BEAN1: variants seen among roughly 807,000 people sequenced by gnomAD.
BEAN1 encodes brain expressed associated with NEDD4 1, also known as protein BEAN1.
A neutral mutation model predicts 17.7 loss-of-function variants in BEAN1; 17 were observed. The ratio of observed to expected loss-of-function variants is 0.96; its 90% confidence interval spans 0.66 to 1.44. The LOEUF (loss-of-function observed/expected upper bound fraction) is 1.44, where lower values mean the gene tolerates loss of function less well. BEAN1 is among the 40% of genes most tolerant of loss of function. BEAN1 has a pLI of 0.00. For missense variants in BEAN1, 359 were observed against 374.1 expected (o/e 0.96, Z 0.33); for synonymous variants, 142 against 151.8 (o/e 0.94, Z 0.47).
chr16:66,429,999 A>G (rs1961736959), intron 1 of BEAN1, among the ~76,000 whole-genome samples: 1 of 152,188 alleles, frequency 6.6e-6, no homozygotes, highest in Non-Finnish European at 1.5e-5. Context: ...TAAAGGGAGA[A>G]ACTGAGGCCA....
At chr16:66,455,009 G>A (rs1962814494) in intron 2 of BEAN1, among the ~76,000 whole-genome samples, 3 of 152,064 alleles carry the variant, frequency 2.0e-5, no homozygotes, top group South Asian at 4.1e-4. Context: ...TTCTCAGTTC[G>A]TTGTATGCCT....
intron 2 of BEAN1, among the ~76,000 whole-genome samples, chr16:66,453,394 G>T (rs935416876): frequency 1.3e-5 from 2 of 151,478 alleles, no homozygotes; most frequent in South Asian, 2.1e-4. Flanking sequence ...GAAGACAAAG[G>T]CTTCAAAAGG....
downstream of BEAN1, chr16:66,484,787 A>C (rs908533026): frequency 2.2e-6 from 1 of 454,006 alleles, no homozygotes; most frequent in Non-Finnish European, 4.4e-6. This position sits in a 1 kb window ranked among gnomAD's most constrained non-coding sequence, Gnocchi z 4.2. Context: ...CACAGAGTAG[A>C]ACGCACCTCA....
At chr16:66,452,445 T>C (rs1047974634) in intron 2 of BEAN1, among the ~76,000 whole-genome samples, 2 of 152,228 alleles carry the variant, frequency 1.3e-5, no homozygotes, top group East Asian at 3.9e-4. Context: ...ATGCCTTTTG[T>C]AGGCCTCTGG....
At chr16:66,469,083 A>T (rs941879414) in intron 2 of BEAN1, among the ~76,000 whole-genome samples, 1 of 151,972 alleles carries the variant, frequency 6.6e-6, no homozygotes, top group Admixed American at 6.5e-5. Context: ...ACCTTCTCTC[A>T]TCTGATCCAA....
At chr16:66,450,313 T>C (rs1567490886) in intron 2 of BEAN1, among the ~76,000 whole-genome samples, 1 of 152,270 alleles carries the variant, frequency 6.6e-6, no homozygotes, top group South Asian at 2.1e-4. Flanking sequence ...TTGGCTTTGA[T>C]TGGCTTTGAT....
At chr16:66,483,085 T>C (rs1393716519), downstream of BEAN1, 3 of 344,000 alleles carry the variant, frequency 8.7e-6, no homozygotes, top group African/African-American at 6.5e-5. Flanking sequence ...TAGTTGAAAC[T>C]CCTGGTCTCA....
At chr16:66,453,236 T>C (rs936205749) in intron 2 of BEAN1, among the ~76,000 whole-genome samples, 3 of 152,116 alleles carry the variant, frequency 2.0e-5, no homozygotes, top group Non-Finnish European at 2.9e-5. Context: ...TTTTCCTTTC[T>C]TCTTTTCTAA....
At chr16:66,440,735 G>A (rs1048966562) in intron 2 of BEAN1, among the ~76,000 whole-genome samples, 1 of 152,198 alleles carries the variant, frequency 6.6e-6, no homozygotes, top group African/African-American at 2.4e-5. Context: ...TTCTTCCTGG[G>A]CTTTCTATTC....
intron 4 of BEAN1, among the ~76,000 whole-genome samples, chr16:66,492,488 G>A (rs1964188988): frequency 6.6e-6 from 1 of 151,948 alleles, no homozygotes; most frequent in African/African-American, 2.4e-5. Context: ...GGCCCAGGCT[G>A]GAGAGCAGTG....
chr16:66,436,006 A>G (rs1962000630), intron 1 of BEAN1, among the ~76,000 whole-genome samples: 1 of 151,922 alleles, frequency 6.6e-6, no homozygotes, highest in Admixed American at 6.6e-5. Context: ...CCCCCTCATG[A>G]CCCCTGCAGG....
At chr16:66,435,524 G>C (rs891660246) in intron 1 of BEAN1, among the ~76,000 whole-genome samples, 3 of 152,290 alleles carry the variant, frequency 2.0e-5, no homozygotes, top group Middle Eastern at 3.4e-3. Context: ...GTCTCACTCT[G>C]TCACCCAGGC....
chr16:66,468,588 G>C (rs147158448), intron 2 of BEAN1, among the ~76,000 whole-genome samples: 4 of 152,202 alleles, frequency 2.6e-5, no homozygotes, highest in African/African-American at 7.2e-5. Flanking sequence ...TAGCTCTGCC[G>C]TGGAGTAACT....
intron 4 of BEAN1, among the ~76,000 whole-genome samples, chr16:66,491,505 G>A (rs1408293437): frequency 6.6e-6 from 1 of 152,140 alleles, no homozygotes; most frequent in Non-Finnish European, 1.5e-5. Context: ...AAGAAATTGA[G>A]GGCTAAAGAG....
intron 2 of BEAN1, among the ~76,000 whole-genome samples, chr16:66,443,490 C>G (rs938663926): frequency 2.6e-5 from 4 of 152,144 alleles, no homozygotes; most frequent in Non-Finnish European, 5.9e-5. Flanking sequence ...GGAAAAAGGA[C>G]AAGGGTGGAG....
At chr16:66,478,382 C>T (rs1963847623) in intron 4 of BEAN1, among the ~76,000 whole-genome samples, 1 of 151,674 alleles carries the variant, frequency 6.6e-6, no homozygotes, top group Admixed American at 6.6e-5. Flanking sequence ...GGTGGGGGAT[C>T]ACGAGGTCAG....
intron 2 of BEAN1, among the ~76,000 whole-genome samples, chr16:66,446,238 AC>A (rs1291289800): frequency 1.3e-5 from 2 of 152,096 alleles, no homozygotes; most frequent in Non-Finnish European, 2.9e-5. Flanking sequence ...TGACAATGGT[AC>A]CTTGGACCAG....
intron 2 of BEAN1, among the ~76,000 whole-genome samples, chr16:66,462,621 G>A (rs1365768485): frequency 6.6e-6 from 1 of 152,160 alleles, no homozygotes; most frequent in Non-Finnish European, 1.5e-5. Context: ...GGCCAGCATG[G>A]TGAAGCCCTG....
rs989514270 is a variant in BEAN1, at chr16:66,437,697, C to T, written c.21C>T (p.Cys7=). 2 of 1,535,738 alleles carry T rather than the reference C, an allele frequency of 1.3e-6. No individual in the cohort carries two copies. Among genetic ancestry groups the T allele is most frequent in the Non-Finnish European group, 1.7e-6 (2 of 1,146,694 alleles). ...ATTACATGTCCTTCAAACGTCCCTGCCCCTGTAAGTTTCCTCCCCACATCC... is the reference window on the plus strand; with the variant it reads ...ATTACATGTCCTTCAAACGTCCCTGTCCCTGTAAGTTTCCTCCCCACATCC... MSFKRP[C]PLARYNRTSY... Residue 7 remains cysteine (C), a synonymous_variant, in exon 2 of 5, where the codon TGC becomes TGT. Transcript: ENST00000536005.
Sources: gnomAD v4.1 joint callset for allele counts (sites outside exome capture counted in the v4.1 genomes callset) on GRCh38, gnomAD v4.1.1 for gene constraint, Gnocchi (gnomAD v3.1) non-coding constraint, MANE v1.5 for transcripts, NCBI Gene and HGNC (gene_info 2026-07-23, HGNC 2026-07-21) for gene names.